BRCA2: variants seen among roughly 807,000 people sequenced by gnomAD.
BRCA2 encodes breast cancer type 2 susceptibility protein.
A neutral mutation model predicts 276.7 loss-of-function variants in BRCA2; 203 were observed. That is an observed-to-expected ratio of 0.73 (90% confidence interval 0.65 to 0.82). The LOEUF (loss-of-function observed/expected upper bound fraction) is 0.82. Ranked by LOEUF, BRCA2 falls within the 40% of genes least tolerant of loss-of-function variation. The pLI is 0.00. For missense variants in BRCA2, 3,920 were observed against 3,915.0 expected, an observed-to-expected ratio of 1.00 and a Z score of -0.03; for synonymous variants, 1,289 against 1,338.4, an observed-to-expected ratio of 0.96 and a Z score of 0.81.
In BRCA2 at chr13:32,339,554, C is replaced by G. The variant is rs28897734; in HGVS notation, c.5199C>G (p.Ser1733=). The G allele has an allele frequency of 1.9e-6, 3 of 1,607,184 alleles. No individual in the cohort carries two copies. Among genetic ancestry groups the G allele is most frequent in the South Asian group, 1.1e-5 (1 of 89,774 alleles). The change falls in exon 11 of 27, where the codon TCC becomes TCG. Residue 1733 remains serine (S), a synonymous_variant. Transcript: ENST00000380152. ...CTGAAAATGACAAAAATCATCTCTC[C>G]GAAAAACAAGATACTTATTTAAGTA... ...TIAENDKNHL[S]EKQDTYLSNS... is the part of the protein sequence containing the mutation.
rs767234936 is a variant in BRCA2, at chr13:32,338,599, AG to A, written c.4245del (p.Glu1415AspfsTer4). ...NKEQLTATKT[E>X]QNIKDFETSD... is the part of the protein sequence containing the mutation. ...GAACAGTTAACTGCTACTAAAACGG[AG>A]CAAAATATAAAAGATTTTGAGACTT... is the stretch of plus-strand genomic sequence containing the variant. On this transcript the variant is annotated frameshift_variant, in exon 11 of 27. Transcript: ENST00000380152. LOFTEE classifies it high-confidence loss of function. 3 of 1,596,392 alleles carry A rather than the reference AG, an allele frequency of 1.9e-6. No homozygotes were observed. In the South Asian group the frequency reaches 3.4e-5, roughly 18 times the overall value.
At chr13:32,371,218 T>G in intron 20 of BRCA2, 118 bp downstream of exon 20, 1 of 1,134,194 alleles carries the variant, frequency 8.8e-7, no homozygotes. Context: ...TAAATTGACT[T>G]TATTTTTTAG....
At position 32,326,134 on chromosome 13, in the gene BRCA2, A is replaced by G. The variant is rs786201631; in HGVS notation, c.459A>G (p.Pro153=). The G allele has an allele frequency of 1.9e-6, 3 of 1,609,406 alleles. No homozygotes were observed. The East Asian group carries it at 6.7e-5, about 36-fold the overall frequency. ...PVVLQCTHVT[P]QRDKSVVCGS... ...TTCTACAATGTACACATGTAACACC[A>G]CAAAGAGATAAGTCAGGTATGATTA... The change falls in exon 5 of 27, where the codon CCA becomes CCG. Residue 153 remains proline (P), a synonymous_variant. Transcript: ENST00000380152.
intron 24 of BRCA2, among the ~76,000 whole-genome samples, chr13:32,387,274 G>A (rs1294328335): frequency 6.6e-6 from 1 of 152,192 alleles, no homozygotes; most frequent in African/African-American, 2.4e-5. Flanking sequence ...GATGATCATG[G>A]ACAATTAGCA....
chr13:32,383,703 A>G (rs1593195120), intron 24 of BRCA2, among the ~76,000 whole-genome samples: 2 of 152,186 alleles, frequency 1.3e-5, no homozygotes, highest in East Asian at 3.8e-4. Context: ...AAGAGACATT[A>G]GAAGACGTGG....
At position 32,355,170 on chromosome 13, in the gene BRCA2, A is replaced by G. The variant is rs587780660; in HGVS notation, c.7317A>G (p.Gly2439=). The part of the protein sequence containing the change: ...EENRQKQNID[G]HGSDDSKNKI... ...ACAGACAAAAGCAAAACATTGATGG[A>G]CATGGCTCTGATGATAGTAAAAATA... Residue 2439 remains glycine, a synonymous_variant, in exon 14 of 27, where the codon GGA becomes GGG. Transcript: ENST00000380152. 57 of 1,613,848 alleles carry G rather than the reference A, an allele frequency of 3.5e-5. No individual in the cohort carries two copies. Among genetic ancestry groups the G allele is most frequent in the Admixed American group, 8.3e-5 (5 of 60,008 alleles).
rs2137577318 is a variant in BRCA2 at position 32,362,624 on chromosome 13, G to A, written c.7907G>A (p.Cys2636Tyr). ...WIIWKLAAME[C>Y]AFPKEFANRC... Reference sequence around the variant, plus strand: ...ATATGGAAACTGGCAGCTATGGAATGTGCCTTTCCTAAGGAATTTGCTAAT... The same window carrying A: ...ATATGGAAACTGGCAGCTATGGAATATGCCTTTCCTAAGGAATTTGCTAAT... Residue 2636 changes from cysteine (C) to tyrosine (Y), a missense_variant, in exon 17 of 27, where the codon TGT becomes TAT. Around this residue, in one of 2 missense-constraint regions of BRCA2, gnomAD observed 3,263 missense variants for 3,156.9 expected, o/e 1.03. Coordinates refer to ENST00000380152, the MANE Select transcript of BRCA2 (RefSeq NM_000059.4). 1 of 1,614,224 alleles carries A rather than the reference G, an allele frequency of 6.2e-7. No individual in the cohort carries two copies. The highest frequency in any genetic ancestry group is 2.2e-5 in the East Asian group (1 of 44,882).
intron 3 of BRCA2, among the ~76,000 whole-genome samples, chr13:32,322,875 A>G (rs1324891826): frequency 6.6e-6 from 1 of 152,268 alleles, no homozygotes; most frequent in Non-Finnish European, 1.5e-5. Context: ...TAAAGCTGGT[A>G]TAAATATTCA....
intron 15 of BRCA2, among the ~76,000 whole-genome samples, chr13:32,356,845 A>G (rs1431431945): frequency 6.6e-6 from 1 of 152,182 alleles, no homozygotes; most frequent in Non-Finnish European, 1.5e-5. Context: ...TTCCCCCTTC[A>G]AATCTTTCTT....
At chr13:32,326,673 C>G (rs2072352164) in intron 7 of BRCA2, 60 bp downstream of exon 7, 1 of 1,241,850 alleles carries the variant, frequency 8.1e-7, no homozygotes, top group South Asian at 1.3e-5. Context: ...ATTGTCATCT[C>G]TAATACTTCT....
intron 8 of BRCA2, among the ~76,000 whole-genome samples, chr13:32,330,001 G>A (rs1020624926): frequency 2.0e-5 from 3 of 152,144 alleles, no homozygotes; most frequent in African/African-American, 7.2e-5. Context: ...TACTCATGTG[G>A]CAGCAGCTTC....
At chr13:32,366,490 A>G (rs2072783015) in intron 18 of BRCA2, among the ~76,000 whole-genome samples, 1 of 152,174 alleles carries the variant, frequency 6.6e-6, no homozygotes, top group Non-Finnish European at 1.5e-5. Context: ...TTTGTATTGG[A>G]AATATCATTA....
In BRCA2 at chr13:32,316,488, A is replaced by G. The variant is rs786203080; in HGVS notation, c.28A>G (p.Thr10Ala). The G allele has an allele frequency of 3.7e-6, 6 of 1,614,130 alleles. No individual in the cohort carries two copies. The highest frequency in any genetic ancestry group is 2.2e-5 in the East Asian group (1 of 44,880). The change falls in exon 2 of 27, where the codon ACA becomes GCA. Residue 10 changes from threonine to alanine, a missense_variant. Thr to Ala is a moderately conservative substitution (Grantham distance 58, BLOSUM62 0). Around this residue, in one of 2 missense-constraint regions of BRCA2, gnomAD observed 3,263 missense variants for 3,156.9 expected, o/e 1.03. Transcript: ENST00000380152. MPIGSKERP[T>A]FFEIFKTRCN... ...GCCTATTGGATCCAAAGAGAGGCCA[A>G]CATTTTTTGAAATTTTTAAGACACG... is the stretch of plus-strand genomic sequence containing the variant.
intron 24 of BRCA2, chr13:32,385,464 A>C (rs1666408699): frequency 1.4e-5 from 3 of 214,014 alleles, no homozygotes; most frequent in African/African-American, 6.9e-5. Flanking sequence ...ACTGAAGAGA[A>C]GACTTTGTGG....
At chr13:32,383,241 T>G (rs945868886) in intron 24 of BRCA2, among the ~76,000 whole-genome samples, 1 of 145,034 alleles carries the variant, frequency 6.9e-6, no homozygotes, top group African/African-American at 2.5e-5. Context: ...GCGCCTGCAG[T>G]CTCAGCTACT....
chr13:32,377,040 G>A lies in BRCA2; in HGVS notation c.8754+249G>A, dbSNP rs11571760. On this transcript the variant is annotated intron_variant, in intron 21 of 26. Coordinates refer to ENST00000380152, the MANE Select transcript of BRCA2 (RefSeq NM_000059.4). ...TAATTAAATTTGGTTTAAAATGCAG[G>A]CAAAACTTGTTTTATTTTTGTCCCT... 0.016 allele frequency among the ~76,000 whole-genome samples: 2,444 copies of A among 152,216 alleles called. 28 individuals carry two copies. The highest frequency in any genetic ancestry group is 0.027 in the Non-Finnish European group (1,847 of 68,000).
At chr13:32,348,340 A>G (rs1367126641) in intron 13 of BRCA2, among the ~76,000 whole-genome samples, 1 of 152,094 alleles carries the variant, frequency 6.6e-6, no homozygotes, top group Non-Finnish European at 1.5e-5. Context: ...CTTAATTAAA[A>G]GGGCCCACTG....
At chr13:32,356,943 A>G (rs1208337495) in intron 15 of BRCA2, among the ~76,000 whole-genome samples, 1 of 152,250 alleles carries the variant, frequency 6.6e-6, no homozygotes, top group Non-Finnish European at 1.5e-5. Context: ...TGAACCTTCT[A>G]TGAGCTATTT....
At chr13:32,329,965 C>G (rs2072376983) in intron 8 of BRCA2, among the ~76,000 whole-genome samples, 1 of 152,178 alleles carries the variant, frequency 6.6e-6, no homozygotes, top group African/African-American at 2.4e-5. Context: ...TGTTGTCTCT[C>G]TGTCTCAAAA....
Sources: allele counts gnomAD v4.1 joint callset (sites outside exome capture counted in the v4.1 genomes callset), GRCh38; gene constraint gnomAD v4.1.1; regional missense constraint gnomAD v4.1.1; transcripts MANE v1.5; gene names NCBI Gene and HGNC (gene_info 2026-07-23, HGNC 2026-07-21).